TOX: variants seen among roughly 807,000 people sequenced by gnomAD.
TOX encodes thymocyte selection-associated high mobility group box protein TOX.
Under a neutral mutation model 53.7 loss-of-function variants are expected in TOX, and 11 were observed. The observed-to-expected ratio is 0.20, with a 90% CI of 0.13 to 0.34. TOX has a LOEUF of 0.34. Ranked by LOEUF, TOX falls within the 10% of genes least tolerant of loss-of-function variation. The pLI is 1.00. For missense variants in TOX, 570 were observed against 664.6 expected (o/e 0.86, Z 1.56); for synonymous variants, 225 against 245.3 (o/e 0.92, Z 0.77).
chr8:58,849,736 A>G (rs1351380778), intron 4 of TOX, among the ~76,000 whole-genome samples: 1 of 152,230 alleles, frequency 6.6e-6, no homozygotes, highest in Non-Finnish European at 1.5e-5. Context: ...GAATACTGAT[A>G]AAGACACAAT....
At chr8:58,873,958 C>CTTTTTTTTTT (rs1173710545) in intron 3 of TOX, among the ~76,000 whole-genome samples, 703 of 40,136 alleles carry the variant, frequency 0.018, 249 homozygotes, top group African/African-American at 0.09. Context: ...TGCCAGGAAG[C>CTTTTTTTTTT]TTTTTTTTTT....
intron 1 of TOX, among the ~76,000 whole-genome samples, chr8:59,024,166 G>A (rs766344177): frequency 6.6e-6 from 1 of 152,188 alleles, no homozygotes; most frequent in Non-Finnish European, 1.5e-5. Flanking sequence ...CTCTGAATCT[G>A]TGTAATCACC....
At chr8:58,862,931 G>A (rs148960757) in intron 3 of TOX, among the ~76,000 whole-genome samples, 1 of 152,020 alleles carries the variant, frequency 6.6e-6, no homozygotes, top group East Asian at 1.9e-4. Context: ...TTCCATTTTG[G>A]GGGGATAGTT....
intron 1 of TOX, among the ~76,000 whole-genome samples, chr8:59,027,779 T>A (rs747405618): frequency 1.4e-4 from 21 of 152,032 alleles, no homozygotes; most frequent in Non-Finnish European, 2.5e-4. Context: ...CTTAGAGGAG[T>A]TGCCGGTACA....
intron 1 of TOX, among the ~76,000 whole-genome samples, chr8:59,035,060 T>C (rs1814431905): frequency 6.6e-6 from 1 of 152,062 alleles, no homozygotes; most frequent in Non-Finnish European, 1.5e-5. Context: ...CCACAGGGAA[T>C]GGGGCAGCAC....
chr8:58,955,731 A>G (rs982509670), intron 2 of TOX, among the ~76,000 whole-genome samples: 2 of 142,254 alleles, frequency 1.4e-5, no homozygotes, highest in Non-Finnish European at 3.1e-5. Flanking sequence ...GGAAAAGGAC[A>G]CTTTTTTTTT....
intron 6 of TOX, among the ~76,000 whole-genome samples, chr8:58,816,975 A>G (rs1280586951): frequency 6.6e-6 from 1 of 152,194 alleles, no homozygotes; most frequent in Non-Finnish European, 1.5e-5. Flanking sequence ...CATGAAAACC[A>G]CAGTAAGAAT....
chr8:58,943,157 A>C (rs1276893083), intron 2 of TOX, among the ~76,000 whole-genome samples: 1 of 152,114 alleles, frequency 6.6e-6, no homozygotes, highest in Non-Finnish European at 1.5e-5. Flanking sequence ...TGACACAGAG[A>C]TTTCAGAGGA....
intron 7 of TOX, chr8:58,814,575 T>C (rs116269814): frequency 6.6e-6 from 1 of 152,270 alleles, no homozygotes; most frequent in African/African-American, 2.4e-5. Flanking sequence ...TAAAATAAAA[T>C]TTAAAAAATA....
intron 1 of TOX, among the ~76,000 whole-genome samples, chr8:59,040,122 G>A (rs1012511644): frequency 2.6e-5 from 4 of 152,086 alleles, no homozygotes; most frequent in Non-Finnish European, 5.9e-5. Context: ...GAGGTCAGGA[G>A]ATCGAGACCA....
chr8:58,990,907 T>C (rs548048904), intron 1 of TOX, among the ~76,000 whole-genome samples: 2 of 152,338 alleles, frequency 1.3e-5, no homozygotes, highest in Admixed American at 1.3e-4. Context: ...CACCTTTAGC[T>C]CCTCAAAAAC....
intron 1 of TOX, among the ~76,000 whole-genome samples, chr8:59,015,097 T>A (rs919469128): frequency 1.3e-5 from 2 of 152,216 alleles, no homozygotes; most frequent in African/African-American, 4.8e-5. Flanking sequence ...GGAAATTCAA[T>A]TTAAATCTAA....
intron 1 of TOX, among the ~76,000 whole-genome samples, chr8:59,088,033 T>C (rs1013364166): frequency 6.6e-6 from 1 of 152,100 alleles, no homozygotes; most frequent in Non-Finnish European, 1.5e-5. Flanking sequence ...GTGTCAAATA[T>C]AAACAAAAAT....
intron 1 of TOX, among the ~76,000 whole-genome samples, chr8:59,002,461 A>G (rs1388637131): frequency 1.3e-4 from 19 of 150,814 alleles, no homozygotes; most frequent in South Asian, 6.4e-4. Flanking sequence ...GCGTGGTGGC[A>G]GGCGCCTGTA....
At chr8:58,846,610 T>A (rs980467490) in intron 4 of TOX, among the ~76,000 whole-genome samples, 8 of 152,150 alleles carry the variant, frequency 5.3e-5, no homozygotes, top group African/African-American at 1.9e-4. Flanking sequence ...ACCTCCTGCT[T>A]CTGTCTAGTG....
rs1029242195 is a variant in TOX at position 58,840,204 on chromosome 8, T to C, written c.694-1893A>G. 2.0e-5 allele frequency among the ~76,000 whole-genome samples: 3 copies of C among 152,330 alleles called. No homozygotes were observed. The South Asian group carries it at 6.2e-4, about 32-fold the overall frequency. On this transcript the variant is annotated intron_variant, in intron 4 of 8. Coordinates refer to ENST00000361421, the MANE Select transcript of TOX (RefSeq NM_014729.3). ...AGTGATTTCTTTGTCTTTGTCTTTA[T>C]TGAGAAACCTATTAAAAAGAATATC...
intron 1 of TOX, among the ~76,000 whole-genome samples, chr8:59,043,738 T>A (rs537294432): frequency 2.0e-5 from 3 of 152,208 alleles, no homozygotes; most frequent in Non-Finnish European, 4.4e-5. Context: ...AAATGCGAGA[T>A]GGATGGGTAG....
At chr8:58,875,833 G>A (rs1174981034) in intron 3 of TOX, among the ~76,000 whole-genome samples, 2 of 152,128 alleles carry the variant, frequency 1.3e-5, no homozygotes, top group East Asian at 1.9e-4. Flanking sequence ...TTTAAAATAC[G>A]AGGATGTGAC....
intron 1 of TOX, among the ~76,000 whole-genome samples, chr8:59,036,674 A>G (rs1420252209): frequency 6.6e-6 from 1 of 152,212 alleles, no homozygotes; most frequent in Non-Finnish European, 1.5e-5. Flanking sequence ...TAATTCATCC[A>G]TCTTTTTCTA....
Sources: allele counts gnomAD v4.1 joint callset (sites outside exome capture counted in the v4.1 genomes callset), GRCh38; gene constraint gnomAD v4.1.1; transcripts MANE v1.5; gene names NCBI Gene and HGNC (gene_info 2026-07-23, HGNC 2026-07-21).